Variants in SHC4 observed in about 807,000 individuals in gnomAD.
SHC4 encodes the protein SHC-transforming protein 4.
A neutral mutation model predicts 69.4 loss-of-function variants in SHC4; 41 were observed. The observed-to-expected ratio is 0.59, with a 90% CI of 0.46 to 0.77. SHC4 has a LOEUF of 0.77. SHC4 is among the 30% of genes least tolerant of loss of function. The pLI is 0.00. For synonymous variants in SHC4, 318 were observed against 299.3 expected, an observed-to-expected ratio of 1.06 and a Z score of -0.64; for missense variants, 777 against 783.8, an observed-to-expected ratio of 0.99 and a Z score of 0.10.
chr15:48,869,038 TCA>T (rs1899615792), intron 5 of SHC4, among the ~76,000 whole-genome samples: 1 of 152,186 alleles, frequency 6.6e-6, no homozygotes, highest in Non-Finnish European at 1.5e-5. Context: ...TCTACAGACC[TCA>T]GTTTTCTCAT....
chr15:48,913,293 G>A (rs1900545926), intron 2 of SHC4, among the ~76,000 whole-genome samples: 1 of 152,010 alleles, frequency 6.6e-6, no homozygotes, highest in African/African-American at 2.4e-5. Flanking sequence ...GGATGTGGGT[G>A]GGGTTCCCAG....
chr15:48,899,296 A>T (rs1900276558), intron 2 of SHC4, among the ~76,000 whole-genome samples: 1 of 152,058 alleles, frequency 6.6e-6, no homozygotes, highest in Admixed American at 6.6e-5. Context: ...GTGAAACCCC[A>T]TCTCTAGTAA....
At chr15:48,936,646 T>C (rs1901076491) in intron 1 of SHC4, among the ~76,000 whole-genome samples, 1 of 152,220 alleles carries the variant, frequency 6.6e-6, no homozygotes, top group Admixed American at 6.5e-5. Context: ...TGCAGAACTG[T>C]GAGTCAATTA....
At chr15:48,836,758 C>G (rs1898906900) in intron 10 of SHC4, among the ~76,000 whole-genome samples, 1 of 152,122 alleles carries the variant, frequency 6.6e-6, no homozygotes, top group Non-Finnish European at 1.5e-5. Context: ...AGTCGTAATT[C>G]AATTCTACTG....
At chr15:48,918,309 T>A (rs1900670030) in intron 2 of SHC4, among the ~76,000 whole-genome samples, 1 of 152,078 alleles carries the variant, frequency 6.6e-6, no homozygotes, top group Non-Finnish European at 1.5e-5. Context: ...GTGGTGTCCA[T>A]AGGACATTCT....
chr15:48,874,522 A>G (rs571491128), intron 4 of SHC4, among the ~76,000 whole-genome samples: 59 of 152,354 alleles, frequency 3.9e-4, no homozygotes, highest in African/African-American at 1.3e-3. Flanking sequence ...CAGTGGCGAC[A>G]TTAGATTCTC....
rs141092886 is a variant in SHC4 at position 48,847,174 on chromosome 15, G to A, written c.1304-3586C>T. Among the ~76,000 whole-genome samples the A allele has an allele frequency of 1.5e-3, 225 of 152,098 alleles. 1 individual carries two copies. Among genetic ancestry groups the A allele is most frequent in the Admixed American group, 4.3e-3 (66 of 15,272 alleles). The stretch of plus-strand genomic sequence containing the variant: ...CTTAGACACAGATGCCAGCTAGTAC[G>A]CCTTCCAAAAGTTCTTTGTATTACT... On this transcript the variant is annotated intron_variant, in intron 9 of 11. Transcript: ENST00000332408.
chr15:48,918,091 G>A (rs917530376), intron 2 of SHC4, among the ~76,000 whole-genome samples: 1 of 152,094 alleles, frequency 6.6e-6, no homozygotes, highest in Non-Finnish European at 1.5e-5. Context: ...TATGTTTGGT[G>A]GTATGTCAAT....
chr15:48,873,286 G>C (rs1899724368), intron 4 of SHC4, among the ~76,000 whole-genome samples: 1 of 152,150 alleles, frequency 6.6e-6, no homozygotes, highest in African/African-American at 2.4e-5. Flanking sequence ...AGGAAGAAGG[G>C]GCAAAAGATT....
At chr15:48,895,534 G>A (rs1459401451) in intron 2 of SHC4, among the ~76,000 whole-genome samples, 2 of 152,116 alleles carry the variant, frequency 1.3e-5, no homozygotes, top group Non-Finnish European at 2.9e-5. Context: ...CTCTAGAAAA[G>A]GCTTACTCGG....
rs1002729123 is a variant in SHC4, at chr15:48,928,900, A to C, written c.586-3951T>G. ...CAAATTAACAAGTAAATCAATAATC[A>C]ATCAGTGATGAATTGGGGCTGAGAT... is the stretch of plus-strand genomic sequence containing the variant. On this transcript the variant is annotated intron_variant, in intron 1 of 11. Transcript: ENST00000332408. Among the ~76,000 whole-genome samples the C allele has an allele frequency of 4.6e-5, 7 of 152,266 alleles. 1 individual carries two copies. Among genetic ancestry groups the C allele is most frequent in the African/African-American group, 1.7e-4 (7 of 41,556 alleles).
intron 1 of SHC4, among the ~76,000 whole-genome samples, chr15:48,943,717 A>T (rs532908780): frequency 2.0e-5 from 3 of 152,082 alleles, no homozygotes; most frequent in Non-Finnish European, 4.4e-5. Context: ...CATTCCCACC[A>T]AGAGTGCACA....
At chr15:48,844,119 C>A (rs907554693) in intron 9 of SHC4, among the ~76,000 whole-genome samples, 2 of 152,170 alleles carry the variant, frequency 1.3e-5, no homozygotes, top group African/African-American at 4.8e-5. Flanking sequence ...AGTCTGGCTT[C>A]TCTCTATGCT....
At chr15:48,848,599 C>T (rs114071925) in intron 9 of SHC4, among the ~76,000 whole-genome samples, 1,606 of 152,206 alleles carry the variant, frequency 0.011, 35 homozygotes, top group African/African-American at 0.037. Context: ...TCCAAACAAA[C>T]TTTTATTAAA....
intron 1 of SHC4, among the ~76,000 whole-genome samples, chr15:48,952,129 G>A (rs889930370): frequency 6.6e-6 from 1 of 152,144 alleles, no homozygotes; most frequent in Non-Finnish European, 1.5e-5. Flanking sequence ...AGGCACAATG[G>A]CCTTTCAAGG....
chr15:48,877,287 G>T (rs935094665), intron 4 of SHC4: 6 of 452,958 alleles, frequency 1.3e-5, no homozygotes, highest in Non-Finnish European at 1.8e-5. Context: ...CAAGCTCAGG[G>T]CTCCCATTGA....
intron 10 of SHC4, among the ~76,000 whole-genome samples, chr15:48,837,221 AACC>A (rs1243553562): frequency 6.6e-6 from 1 of 152,230 alleles, no homozygotes. Flanking sequence ...ATCGTGGGCC[AACC>A]AGAGGAAATG....
intron 2 of SHC4, among the ~76,000 whole-genome samples, chr15:48,904,916 G>GCACA (rs766950039): frequency 1.4e-4 from 19 of 133,200 alleles, no homozygotes; most frequent in East Asian, 4.6e-4. Flanking sequence ...CGACACACAC[G>GCACA]CACACACACA....
chr15:48,871,261 T>TCA (rs1899671919), intron 5 of SHC4, among the ~76,000 whole-genome samples: 2 of 152,228 alleles, frequency 1.3e-5, no homozygotes, highest in African/African-American at 4.8e-5. Flanking sequence ...TGGCTGATGT[T>TCA]TAACCATTAT....
Sources: gnomAD v4.1 joint callset for allele counts (sites outside exome capture counted in the v4.1 genomes callset) on GRCh38, gnomAD v4.1.1 for gene constraint, MANE v1.5 for transcripts, NCBI Gene and HGNC (gene_info 2026-07-23, HGNC 2026-07-21) for gene names.